The following COBL variants were observed in gnomAD, a reference collection of about 807,000 sequenced individuals.
COBL encodes protein cordon-bleu.
Under a neutral mutation model 98.8 loss-of-function variants are expected in COBL, and 51 were observed. The ratio of observed to expected loss-of-function variants is 0.52; its 90% CI spans 0.41 to 0.65. The LOEUF is 0.65. Among genes scored for constraint, COBL ranks in the 30% least tolerant of loss-of-function variants. COBL has a pLI of 0.00. For missense variants in COBL, 1,617 were observed against 1,617.5 expected, an observed-to-expected ratio of 1.00 and a Z score of 0.01; for synonymous variants, 634 against 651.7, an observed-to-expected ratio of 0.97 and a Z score of 0.41.
chr7:51,296,636 C>T (rs559425475), intron 1 of COBL, among the ~76,000 whole-genome samples: 113 of 152,106 alleles, frequency 7.4e-4, no homozygotes, highest in African/African-American at 2.6e-3. Flanking sequence ...AAGTATTTTA[C>T]GGAATAGTTT....
intron 5 of COBL, among the ~76,000 whole-genome samples, chr7:51,140,638 T>C (rs1029674475): frequency 6.6e-6 from 1 of 152,188 alleles, no homozygotes; most frequent in African/African-American, 2.4e-5. Flanking sequence ...TTGACTTTCA[T>C]TGTGACGACA....
rs766921546 is a variant in COBL at position 51,083,102 on chromosome 7, G to A, written c.1096+2064C>T. The A allele has an allele frequency of 3.7e-5, 57 of 1,534,988 alleles. No homozygotes were observed. In the South Asian group the frequency reaches 4.8e-4, roughly 13 times the overall value. ...GGCCTCGGAACCAGCGCCTTCCCCG[G>A]GAAAGCTGAGAGGCTCCACCACGTC... is the stretch of plus-strand genomic sequence containing the variant. On this transcript the variant is annotated intron_variant, in intron 7 of 12. Transcript: ENST00000265136.
intron 12 of COBL, chr7:51,018,247 GTGACGA>G (rs1786492681): frequency 6.8e-6 from 1 of 147,790 alleles, no homozygotes; most frequent in Non-Finnish European, 1.5e-5. Flanking sequence ...AACTGTGGTG[GTGACGA>G]TGGTGGTGGT....
chr7:51,181,882 A>C (rs1247569690), intron 5 of COBL, among the ~76,000 whole-genome samples: 2 of 152,224 alleles, frequency 1.3e-5, no homozygotes, highest in Non-Finnish European at 2.9e-5. Flanking sequence ...CAATCCACGG[A>C]CGGGACTGGA....
rs1562805106 is a variant in COBL, at chr7:51,025,109, C to A, written c.3768G>T (p.Lys1256Asn). 6.2e-7 allele frequency: 1 copy of A among 1,612,028 alleles called. No individual in the cohort carries two copies. The highest frequency in any genetic ancestry group is 1.3e-5 in the African/African-American group (1 of 74,988). The change falls in exon 12 of 13, where the codon AAG (lysine) becomes AAT (asparagine). Residue 1256 changes from lysine (K) to asparagine (N), a missense_variant and splice_region_variant. Transcript: ENST00000265136. ...RSGTGAARLR[K>N]VPLLV ...AATGCGCACACACAGTCGCCATCAC[C>A]TTTCTCAGTCTCGCAGCCCCTGTGC...
chr7:51,065,111 C>A, intron 7 of COBL: 1 of 690,138 alleles, frequency 1.4e-6, no homozygotes. Flanking sequence ...CTAACAAGCA[C>A]ACAGAGGATA....
At position 51,190,842 on chromosome 7, in the gene COBL, G is replaced by A. The variant is rs774545826; in HGVS notation, c.685+8C>T. 1 of 1,610,668 alleles carries A rather than the reference G, an allele frequency of 6.2e-7. No individual in the cohort carries two copies. The highest frequency in any genetic ancestry group is 8.5e-7 in the Non-Finnish European group (1 of 1,177,298). Reference sequence around the variant, plus strand: ...TGGGCAGGTGCGTGAGACGCAGCGGGGCCTCACCTCTTCTGTTGTCCCACG... The same window carrying A: ...TGGGCAGGTGCGTGAGACGCAGCGGAGCCTCACCTCTTCTGTTGTCCCACG... On this transcript the variant is annotated splice_region_variant and intron_variant, in intron 4 of 12. Transcript: ENST00000265136.
At chr7:51,316,318 C>G (rs1473235361) in intron 1 of COBL, 1 of 287,968 alleles carries the variant, frequency 3.5e-6, no homozygotes, top group African/African-American at 2.2e-5. Context: ...CCCATAAGGA[C>G]GCCTGCATAC....
At chr7:51,227,345 G>A (rs1432345321) in intron 1 of COBL, among the ~76,000 whole-genome samples, 3 of 152,198 alleles carry the variant, frequency 2.0e-5, no homozygotes, top group Non-Finnish European at 4.4e-5. Flanking sequence ...GAAGACTGGA[G>A]TCACAGGGAG....
At chr7:51,023,690 A>C (rs1787166091) in intron 12 of COBL, among the ~76,000 whole-genome samples, 1 of 152,152 alleles carries the variant, frequency 6.6e-6, no homozygotes. Flanking sequence ...GGCCTCCTCC[A>C]TTCTCAGTGC....
chr7:51,161,297 G>A (rs972752044), intron 5 of COBL, among the ~76,000 whole-genome samples: 10 of 152,190 alleles, frequency 6.6e-5, no homozygotes, highest in Admixed American at 3.3e-4. Context: ...GGATCAGCTG[G>A]GTGGAAATGC....
At chr7:51,219,675 T>A in intron 2 of COBL, 66 bp downstream of exon 2, 2 of 1,526,140 alleles carry the variant, frequency 1.3e-6, no homozygotes, top group Non-Finnish European at 1.8e-6. Context: ...AACATCCGCC[T>A]TTCCATTCTC....
chr7:51,242,574 G>A (rs923317629), intron 1 of COBL, among the ~76,000 whole-genome samples: 5 of 152,220 alleles, frequency 3.3e-5, no homozygotes, highest in Non-Finnish European at 2.9e-5. Context: ...GCTGTCCACC[G>A]ACCCTGCTAT....
intron 6 of COBL, among the ~76,000 whole-genome samples, chr7:51,097,269 C>A (rs1028620019): frequency 2.0e-5 from 3 of 152,044 alleles, no homozygotes; most frequent in Admixed American, 2.0e-4. Flanking sequence ...TAAAAAAACA[C>A]TCAACAACTA....
chr7:51,187,331 TACACACACACACACACACAC>T (rs1303777271), intron 4 of COBL, among the ~76,000 whole-genome samples: 2 of 101,454 alleles, frequency 2.0e-5, no homozygotes, highest in Non-Finnish European at 4.4e-5. Context: ...TATATATATA[TACACACACACACACACACAC>T]ACACATATAT....
In COBL at chr7:51,185,947, A is replaced by G. The variant is rs572573921; in HGVS notation, c.686-1748T>C. ...ACATCCTAGCCACCAGGGCAGGGCC[A>G]GGACACTTGGTTACATGCAGGAGGC... On this transcript the variant is annotated intron_variant, in intron 4 of 12. Transcript: ENST00000265136. 5.9e-5 allele frequency among the ~76,000 whole-genome samples: 9 copies of G among 152,370 alleles called. No individual in the cohort carries two copies. In the South Asian group the frequency reaches 1.9e-3, roughly 32 times the overall value.
chr7:51,257,019 G>A (rs1797252881), intron 1 of COBL, among the ~76,000 whole-genome samples: 1 of 152,142 alleles, frequency 6.6e-6, no homozygotes, highest in Non-Finnish European at 1.5e-5. Context: ...AACTAAACCA[G>A]TCCAGTGGAA....
At chr7:51,294,973 T>A (rs551975805) in intron 1 of COBL, among the ~76,000 whole-genome samples, 1 of 151,888 alleles carries the variant, frequency 6.6e-6, no homozygotes, top group South Asian at 2.1e-4. Context: ...GACAAATACC[T>A]AATGCATGAG....
intron 6 of COBL, among the ~76,000 whole-genome samples, chr7:51,091,072 C>T (rs73118441): frequency 0.045 from 6,788 of 152,140 alleles, 199 homozygotes; most frequent in Non-Finnish European, 0.071. Context: ...GAAGCCAGTC[C>T]GTAAAGGCTG....
Sources: allele counts gnomAD v4.1 joint callset (sites outside exome capture counted in the v4.1 genomes callset), GRCh38; gene constraint gnomAD v4.1.1; transcripts MANE v1.5; gene names NCBI Gene and HGNC (gene_info 2026-07-23, HGNC 2026-07-21).